Variants in AAK1 observed in about 807,000 individuals in gnomAD.
AAK1 encodes the protein AP2 associated kinase 1, also known as AP2-associated protein kinase 1.
Under a neutral mutation model 116.0 loss-of-function variants are expected in AAK1, and 37 were observed. The observed-to-expected ratio is 0.32, with a 90% CI of 0.25 to 0.42. The LOEUF (loss-of-function observed/expected upper bound fraction) is 0.42, where lower values mean the gene tolerates loss of function less well. Among genes scored for constraint, AAK1 ranks in the 10% least tolerant of loss-of-function variants. The pLI, the probability that AAK1 is intolerant of heterozygous loss-of-function variation, is 1.00. For missense variants in AAK1, 919 were observed against 1,170.6 expected (o/e 0.79, Z 3.14); for synonymous variants, 458 against 439.9 (o/e 1.04, Z -0.51).
In AAK1 at chr2:69,466,656, A is replaced by G. The variant is rs953393609; in HGVS notation, c.*9213T>C. 115 of 1,082,982 alleles carry G rather than the reference A, an allele frequency of 1.1e-4. 1 individual carries two copies. Among genetic ancestry groups the G allele is most frequent in the Non-Finnish European group, 1.3e-4 (112 of 886,344 alleles). 67.1% of individuals were successfully genotyped at this position (1,082,982 alleles called of 1,614,324 possible). On this transcript the variant is annotated 3_prime_UTR_variant, in exon 22 of 22. Transcript: ENST00000409085. The stretch of plus-strand genomic sequence containing the variant: ...AAAACATTGTGGGACCAAATAATAG[A>G]TGTTGAAAATGCAACAGGAAAAACA...
At chr2:69,477,750 C>T (rs541009099) in intron 20 of AAK1, among the ~76,000 whole-genome samples, 47 of 152,332 alleles carry the variant, frequency 3.1e-4, no homozygotes, top group Middle Eastern at 3.4e-3. Flanking sequence ...AAAACATAAT[C>T]ATTTTAATGT....
At chr2:69,628,620 T>G (rs1200180262) in intron 2 of AAK1, among the ~76,000 whole-genome samples, 1 of 152,178 alleles carries the variant, frequency 6.6e-6, no homozygotes, top group African/African-American at 2.4e-5. Flanking sequence ...ACCTTAAAAA[T>G]CACCACATAA....
chr2:69,547,722 T>C (rs1288982011), intron 3 of AAK1, among the ~76,000 whole-genome samples: 1 of 152,214 alleles, frequency 6.6e-6, no homozygotes, highest in Admixed American at 6.5e-5. Context: ...CAAGTTATCA[T>C]ATGACCTAGC....
chr2:69,595,103 T>G (rs1673211192), intron 2 of AAK1: 5 of 630,918 alleles, frequency 7.9e-6, no homozygotes, highest in Non-Finnish European at 1.5e-5. Context: ...GGATTTTGTT[T>G]CTTTTTTGTT....
chr2:69,460,869 C>A lies in AAK1; in HGVS notation c.*15000G>T, dbSNP rs1273836808. ...GCCTGTTAGTCAATTACTGTGGATT[C>A]TTTCAGGGTTCATCAATGCATGTGT... On this transcript the variant is annotated 3_prime_UTR_variant, in exon 22 of 22. Coordinates refer to ENST00000409085, the MANE Select transcript of AAK1 (RefSeq NM_014911.5). 1 of 152,198 alleles carries A rather than the reference C, an allele frequency of 6.6e-6. No homozygotes were observed. Among genetic ancestry groups the A allele is most frequent in the East Asian group, 1.9e-4 (1 of 5,204 alleles). 9.4% of individuals were successfully genotyped at this position (152,198 alleles called of 1,614,324 possible).
chr2:69,511,344 CAT>C (rs1380286352), intron 13 of AAK1, among the ~76,000 whole-genome samples: 3 of 152,250 alleles, frequency 2.0e-5, no homozygotes, highest in Admixed American at 6.5e-5. Context: ...ACTATGTACA[CAT>C]GTCAGTATTC....
chr2:69,608,033 C>T (rs1380247718), intron 2 of AAK1, among the ~76,000 whole-genome samples: 1 of 152,196 alleles, frequency 6.6e-6, no homozygotes, highest in African/African-American at 2.4e-5. Flanking sequence ...GCCATCCAAC[C>T]TGCCTAGAAC....
chr2:69,508,766 A>G lies in AAK1; in HGVS notation c.2006+465T>C, dbSNP rs139518962. Among the ~76,000 whole-genome samples, 310 of 152,332 alleles carry G rather than the reference A, an allele frequency of 2.0e-3. 1 individual carries two copies. The highest frequency in any genetic ancestry group is 2.9e-3 in the Non-Finnish European group (200 of 68,026). On this transcript the variant is annotated intron_variant, in intron 14 of 21. Coordinates refer to ENST00000409085, the MANE Select transcript of AAK1 (RefSeq NM_014911.5). ...AGGAGGAGCATAGCAGTCCCAGGAG[A>G]GGGCACAGGAGGAACAAAGGGCTCG...
At chr2:69,496,374 C>T (rs946870734) in intron 16 of AAK1, among the ~76,000 whole-genome samples, 3 of 150,044 alleles carry the variant, frequency 2.0e-5, no homozygotes, top group Non-Finnish European at 2.9e-5. Context: ...CCGGTTCAAG[C>T]GATTCTCCTG....
chr2:69,619,290 C>T (rs1674481292), intron 2 of AAK1, among the ~76,000 whole-genome samples: 1 of 152,140 alleles, frequency 6.6e-6, no homozygotes, highest in Non-Finnish European at 1.5e-5. Context: ...TGCCTCCTTA[C>T]TCCAGAAAAT....
rs1015929959 is a variant in AAK1, at chr2:69,471,321, A to G, written c.*4548T>C. 8.1e-6 allele frequency: 8 copies of G among 985,358 alleles called. No individual in the cohort carries two copies. In the South Asian group the frequency reaches 1.9e-4, roughly 23 times the overall value. 61.0% of individuals were successfully genotyped at this position (985,358 alleles called of 1,614,324 possible). On this transcript the variant is annotated 3_prime_UTR_variant, in exon 22 of 22. Coordinates refer to ENST00000409085, the MANE Select transcript of AAK1 (RefSeq NM_014911.5). The stretch of plus-strand genomic sequence containing the variant: ...AAAGGAAATCTGGGAGAAGCAAAAG[A>G]GGTTTCTTGTTATAGATTTCCTAGC...
In AAK1 at chr2:69,465,747, C is replaced by T; in HGVS notation, c.*10122G>A. On this transcript the variant is annotated 3_prime_UTR_variant, in exon 22 of 22. Transcript: ENST00000409085. ...ATGACCCCCAGATTCCAGGCAGGAT[C>T]CCCTGGGAGAGATGCTGTCCAGATG... The T allele has an allele frequency of 7.7e-7, 1 of 1,290,870 alleles. No individual in the cohort carries two copies. The highest frequency in any genetic ancestry group is 1.0e-6 in the Non-Finnish European group (1 of 988,874). The allele number at this position is 1,290,870 out of a possible 1,614,324, so 80.0% of individuals were successfully genotyped here.
At chr2:69,492,504 G>A (rs534329188) in intron 17 of AAK1, among the ~76,000 whole-genome samples, 111 of 139,062 alleles carry the variant, frequency 8.0e-4, no homozygotes, top group Admixed American at 7.5e-3. Context: ...GTGAGCCACC[G>A]TGCCTGGCCA....
At chr2:69,571,009 C>G (rs1306498479) in intron 2 of AAK1, among the ~76,000 whole-genome samples, 1 of 151,136 alleles carries the variant, frequency 6.6e-6, no homozygotes, top group African/African-American at 2.5e-5. Flanking sequence ...AGAATGCCCA[C>G]CCCCATGCCC....
chr2:69,501,035 G>T (rs1270314925), intron 16 of AAK1, among the ~76,000 whole-genome samples: 1 of 151,958 alleles, frequency 6.6e-6, no homozygotes, highest in African/African-American at 2.4e-5. Flanking sequence ...CAGCAAAGAA[G>T]ACTCTCAGGG....
chr2:69,473,291 A>T lies in AAK1; in HGVS notation c.*2578T>A, dbSNP rs568963211. ...AATGAAGAGGATGGTGGACTAGAGG[A>T]TGGTCTCAAAGGTCCCTTTGTAGCT... On this transcript the variant is annotated 3_prime_UTR_variant, in exon 22 of 22. Coordinates refer to ENST00000409085, the MANE Select transcript of AAK1 (RefSeq NM_014911.5). 1 of 979,854 alleles carries T rather than the reference A, an allele frequency of 1.0e-6. No individual in the cohort carries two copies. The highest frequency in any genetic ancestry group is 1.7e-5 in the African/African-American group (1 of 57,234). The allele number at this position is 979,854 out of a possible 1,614,324, so 60.7% of individuals were successfully genotyped here. A position where few individuals can be genotyped will look rare whatever the true frequency, so the allele number is the denominator to read the frequency against.
chr2:69,563,687 A>G (rs1227691162), intron 2 of AAK1, among the ~76,000 whole-genome samples: 3 of 152,198 alleles, frequency 2.0e-5, no homozygotes, highest in African/African-American at 7.2e-5. Context: ...TTTCTGCCCT[A>G]CAAACTCTTT....
intron 2 of AAK1, among the ~76,000 whole-genome samples, chr2:69,641,613 C>G (rs1675728785): frequency 6.6e-6 from 1 of 152,146 alleles, no homozygotes; most frequent in Non-Finnish European, 1.5e-5. Flanking sequence ...AAACTGGGCC[C>G]TGCTGAATCC....
At chr2:69,539,931 A>T (rs1296148428) in intron 5 of AAK1, among the ~76,000 whole-genome samples, 2 of 152,128 alleles carry the variant, frequency 1.3e-5, no homozygotes, top group Non-Finnish European at 2.9e-5. Context: ...TTTCTTCTAT[A>T]GAGTTTTATA....
Sources: allele counts gnomAD v4.1 joint callset (sites outside exome capture counted in the v4.1 genomes callset), GRCh38; gene constraint gnomAD v4.1.1; transcripts MANE v1.5; gene names NCBI Gene and HGNC (gene_info 2026-07-23, HGNC 2026-07-21).